Variants in NRDC observed in about 807,000 individuals in gnomAD.
The protein encoded by NRDC is nardilysin convertase, also known as nardilysin.
In NRDC, 54 loss-of-function variants were observed where a neutral mutation model predicts 147.1. The observed-to-expected ratio is 0.37, with a 90% CI of 0.29 to 0.46. The LOEUF is 0.46. NRDC is among the 20% of genes least tolerant of loss of function. The pLI is 1.00. For synonymous variants in NRDC, 440 were observed against 482.1 expected, an observed-to-expected ratio of 0.91 and a Z score of 1.14; for missense variants, 1,082 against 1,370.6, an observed-to-expected ratio of 0.79 and a Z score of 3.33.
intron 1 of NRDC, among the ~76,000 whole-genome samples, chr1:51,869,400 G>A (rs980172103): frequency 1.3e-5 from 2 of 152,084 alleles, no homozygotes; most frequent in Middle Eastern, 3.2e-3. Flanking sequence ...AGAGAAATGA[G>A]CTTGCTGAAT....
intron 4 of NRDC, among the ~76,000 whole-genome samples, chr1:51,831,982 A>G (rs1680736357): frequency 6.6e-6 from 1 of 152,186 alleles, no homozygotes; most frequent in Non-Finnish European, 1.5e-5. Context: ...AATATGTCCA[A>G]AGGATTTTTC....
intron 1 of NRDC, among the ~76,000 whole-genome samples, chr1:51,864,639 T>A (rs966552103): frequency 6.6e-6 from 1 of 151,846 alleles, no homozygotes; most frequent in African/African-American, 2.4e-5. Context: ...TTATCCATAT[T>A]TTTTTTTAAA....
chr1:51,865,792 C>T (rs568041148), intron 1 of NRDC, among the ~76,000 whole-genome samples: 1 of 152,014 alleles, frequency 6.6e-6, no homozygotes, highest in African/African-American at 2.4e-5. Flanking sequence ...ATAGCTCACG[C>T]CTGTATTCCC....
chr1:51,814,361 GC>G (rs1679863274), intron 13 of NRDC, 189 bp downstream of exon 13: 6 of 594,228 alleles, frequency 1.0e-5, no homozygotes, highest in Non-Finnish European at 1.5e-5. Flanking sequence ...TAAAGGGACT[GC>G]CCACATATGT....
At chr1:51,792,207 CT>C in intron 25 of NRDC, 109 bp from the exon 26 acceptor site, 6 of 1,465,926 alleles carry the variant, frequency 4.1e-6, no homozygotes, top group East Asian at 2.3e-5. Flanking sequence ...CCCTTAGTGC[CT>C]TTTTCCTAAT....
intron 1 of NRDC, among the ~76,000 whole-genome samples, chr1:51,846,697 A>G (rs540640598): frequency 1.3e-5 from 2 of 152,328 alleles, no homozygotes; most frequent in African/African-American, 4.8e-5. Context: ...GTGAACACCA[A>G]CAAGATTTAT....
Position 51,805,597 on chromosome 1 carries a change from G to C in NRDC, c.2111-36C>G, listed in dbSNP as rs3736750. ...AAAGACCATAGATAAAAAAGGTTAG[G>C]GGCCTCAGATATTTTATACATCTGT... On this transcript the variant is annotated intron_variant, in intron 18 of 30. Transcript: ENST00000352171. The C allele has an allele frequency of 2.2e-6, 3 of 1,356,414 alleles. No homozygotes were observed. In the East Asian group the frequency reaches 7.2e-5, roughly 33 times the overall value. The allele number at this position is 1,356,414 out of a possible 1,614,324, so 84.0% of individuals were successfully genotyped here.
intron 22 of NRDC, 82 bp downstream of exon 22, chr1:51,798,167 C>T: frequency 7.1e-7 from 1 of 1,414,348 alleles, no homozygotes; most frequent in Admixed American, 1.8e-5. Flanking sequence ...AAAACTACAG[C>T]TTCCCCTTTA....
intron 26 of NRDC, among the ~76,000 whole-genome samples, 160 bp from the exon 27 acceptor site, chr1:51,791,821 A>G (rs573631186): frequency 6.6e-6 from 1 of 152,304 alleles, no homozygotes; most frequent in African/African-American, 2.4e-5. Context: ...ACCTCTCCTG[A>G]ATTGGGGACC....
intron 1 of NRDC, among the ~76,000 whole-genome samples, chr1:51,843,344 A>G (rs1681368656): frequency 6.6e-6 from 1 of 151,322 alleles, no homozygotes. Flanking sequence ...ACCCCTGTTT[A>G]CCGTGGAAGA....
chr1:51,790,916 T>C lies in NRDC; in HGVS notation c.3035A>G (p.Glu1012Gly), dbSNP rs1678603624. 6.2e-7 allele frequency: 1 copy of C among 1,613,708 alleles called. No individual in the cohort carries two copies. Among genetic ancestry groups the C allele is most frequent in the Non-Finnish European group, 8.5e-7 (1 of 1,179,716 alleles). The change falls in exon 28 of 31, where the codon GAG becomes GGG. Residue 1012 changes from glutamate (E) to glycine (G), a missense_variant. This residue lies in a region of NRDC where 187 missense variants were observed against 193.6 expected (regional missense o/e 0.97). Coordinates refer to ENST00000352171, the MANE Select transcript of NRDC (RefSeq NM_001101662.2). ...CACAGTCACCTGGGTGTTGAATGCC[T>C]CTTCAGTGAGGTTCTCAATCTTCTC... ...FEEKIENLTE[E>G]AFNTQVTALI...
intron 1 of NRDC, among the ~76,000 whole-genome samples, chr1:51,853,106 C>T (rs1200776548): frequency 6.6e-6 from 1 of 151,876 alleles, no homozygotes; most frequent in East Asian, 1.9e-4. Context: ...TGCCTGTAAT[C>T]TCAGCTACTC....
rs1239296757 is a variant in NRDC at position 51,790,949 on chromosome 1, C to T, written c.3002G>A (p.Ser1001Asn). ...VDKKIEEFLS[S>N]FEEKIENLTE... ...GAGGTTCTCAATCTTCTCCTCAAAG[C>T]TAGAAAGAAACTCTTCTATCTTCTT... The change falls in exon 28 of 31, where the codon AGC becomes AAC. Residue 1001 changes from serine to asparagine, a missense_variant. By Grantham distance (46) the Ser-to-Asn change is conservative (BLOSUM62 1). Transcript: ENST00000352171. 1.9e-6 allele frequency: 3 copies of T among 1,613,766 alleles called. No individual in the cohort carries two copies. Among genetic ancestry groups the T allele is most frequent in the Non-Finnish European group, 1.7e-6 (2 of 1,179,804 alleles).
intron 4 of NRDC, among the ~76,000 whole-genome samples, chr1:51,829,523 T>C (rs1232983317): frequency 6.6e-6 from 1 of 152,250 alleles, no homozygotes; most frequent in African/African-American, 2.4e-5. Flanking sequence ...TCTTCTAATG[T>C]ATCCTTTTGG....
At chr1:51,857,951 G>A (rs74080654) in intron 1 of NRDC, among the ~76,000 whole-genome samples, 6,906 of 152,160 alleles carry the variant, frequency 0.045, 216 homozygotes, top group Middle Eastern at 0.14. Flanking sequence ...GAAGAACACC[G>A]TATTCTACCT....
intron 5 of NRDC, among the ~76,000 whole-genome samples, chr1:51,826,370 A>C (rs1680446625): frequency 6.6e-6 from 1 of 152,212 alleles, no homozygotes; most frequent in Non-Finnish European, 1.5e-5. Flanking sequence ...AAAGTGATTT[A>C]AGACCCCTTG....
intron 1 of NRDC, among the ~76,000 whole-genome samples, chr1:51,872,081 G>C (rs1343448529): frequency 6.6e-6 from 1 of 152,182 alleles, no homozygotes. Flanking sequence ...ATGTTGGCCA[G>C]GTAGGTCTCC....
At chr1:51,866,206 A>G (rs1372110235) in intron 1 of NRDC, among the ~76,000 whole-genome samples, 1 of 152,210 alleles carries the variant, frequency 6.6e-6, no homozygotes, top group Non-Finnish European at 1.5e-5. Flanking sequence ...TGGATAACAG[A>G]GTGAGACCTT....
intron 21 of NRDC, among the ~76,000 whole-genome samples, chr1:51,799,891 G>A (rs1392731695): frequency 6.6e-6 from 1 of 152,198 alleles, no homozygotes; most frequent in African/African-American, 2.4e-5. Context: ...AAGATTGCTA[G>A]ATAAGTGACA....
Sources: allele counts gnomAD v4.1 joint callset (sites outside exome capture counted in the v4.1 genomes callset), GRCh38; gene constraint gnomAD v4.1.1; regional missense constraint gnomAD v4.1.1; transcripts MANE v1.5; gene names NCBI Gene and HGNC (gene_info 2026-07-23, HGNC 2026-07-21).